ATP11B: variants seen among roughly 807,000 people sequenced by gnomAD.
ATP11B encodes the protein phospholipid-transporting ATPase IF.
ATP11B carries 81 observed loss-of-function variants against 157.8 expected under a neutral mutation model. The observed-to-expected ratio is 0.51, with a 90% CI of 0.43 to 0.62. The LOEUF is 0.62. Among genes scored for constraint, ATP11B ranks in the 20% least tolerant of loss-of-function variants. The pLI, the probability that ATP11B is intolerant of heterozygous loss-of-function variation, is 0.00. For missense variants in ATP11B, 1,165 were observed against 1,402.2 expected, an observed-to-expected ratio of 0.83 and a Z score of 2.70; for synonymous variants, 451 against 469.4, an observed-to-expected ratio of 0.96 and a Z score of 0.51.
intron 4 of ATP11B, among the ~76,000 whole-genome samples, chr3:182,834,650 A>C (rs995028313): frequency 3.9e-5 from 6 of 152,212 alleles, no homozygotes; most frequent in African/African-American, 1.4e-4. Context: ...TGGCATAGGA[A>C]GTCTTTTCCA....
chr3:182,865,364 A>G, intron 12 of ATP11B, 92 bp from the exon 13 acceptor site: 1 of 1,242,258 alleles, frequency 8.0e-7, no homozygotes. Flanking sequence ...GATAAACTGG[A>G]CTTCAGGAGA....
At chr3:182,882,278 A>G (rs1722479033) in intron 21 of ATP11B, among the ~76,000 whole-genome samples, 1 of 152,140 alleles carries the variant, frequency 6.6e-6, no homozygotes, top group Admixed American at 6.5e-5. Flanking sequence ...GTTATTTTCC[A>G]TAAATTTTCA....
intron 28 of ATP11B, among the ~76,000 whole-genome samples, chr3:182,910,883 A>G (rs1447325960): frequency 1.3e-5 from 2 of 152,198 alleles, no homozygotes. Context: ...GTTTATCTTG[A>G]GCCAGTGCTT....
At chr3:182,797,015 C>T (rs920904445) in intron 1 of ATP11B, among the ~76,000 whole-genome samples, 2 of 152,142 alleles carry the variant, frequency 1.3e-5, no homozygotes, top group Non-Finnish European at 2.9e-5. Flanking sequence ...ATCTGAACTC[C>T]CTCAACTTTC....
chr3:182,864,144 ATT>A (rs1302113849), intron 12 of ATP11B, among the ~76,000 whole-genome samples: 2 of 152,008 alleles, frequency 1.3e-5, no homozygotes, highest in Non-Finnish European at 2.9e-5. Flanking sequence ...GAACTTATAT[ATT>A]CTATTTTTTT....
At chr3:182,829,628 C>A in intron 3 of ATP11B, 44 bp from the exon 4 acceptor site, 1 of 1,309,460 alleles carries the variant, frequency 7.6e-7, no homozygotes. Context: ...GTGATGTGCA[C>A]AATATAAAAA....
At chr3:182,842,306 C>G (rs1719112344) in intron 8 of ATP11B, among the ~76,000 whole-genome samples, 184 bp downstream of exon 8, 1 of 152,088 alleles carries the variant, frequency 6.6e-6, no homozygotes, top group Non-Finnish European at 1.5e-5. Flanking sequence ...CAGAATCATT[C>G]AGTGCAAGCT....
chr3:182,903,897 T>C (rs1724146407), intron 28 of ATP11B, among the ~76,000 whole-genome samples: 1 of 152,250 alleles, frequency 6.6e-6, no homozygotes, highest in Non-Finnish European at 1.5e-5. Context: ...TGAAATCATA[T>C]TTTCATATAT....
At chr3:182,800,562 A>G (rs758728955) in intron 1 of ATP11B, among the ~76,000 whole-genome samples, 4 of 152,028 alleles carry the variant, frequency 2.6e-5, no homozygotes, top group Non-Finnish European at 4.4e-5. Context: ...ATATATGGTT[A>G]TAATGCATTC....
chr3:182,901,544 A>G (rs897801544), intron 28 of ATP11B, among the ~76,000 whole-genome samples: 5 of 152,156 alleles, frequency 3.3e-5, no homozygotes, highest in African/African-American at 1.2e-4. Context: ...TCTGCACTCA[A>G]AAAGTTTCAG....
At chr3:182,830,880 C>T (rs1718082435) in intron 4 of ATP11B, among the ~76,000 whole-genome samples, 2 of 152,136 alleles carry the variant, frequency 1.3e-5, no homozygotes, top group Admixed American at 6.5e-5. Context: ...GCATTTAAAT[C>T]ACTCCATATA....
At position 182,896,802 on chromosome 3, in the gene ATP11B, C is replaced by T. The variant is rs1406341450; in HGVS notation, c.3048+37C>T. The stretch of plus-strand genomic sequence containing the variant: ...AAATTAGAAATGTGGACACATTTTG[C>T]AACTGTTTACATAGTTAGTTAACTT... On this transcript the variant is annotated intron_variant, in intron 26 of 29. Transcript: ENST00000323116. 5 of 1,465,774 alleles carry T rather than the reference C, an allele frequency of 3.4e-6. No individual in the cohort carries two copies. In the South Asian group the frequency reaches 3.4e-5, roughly 10 times the overall value. The allele number at this position is 1,465,774 out of a possible 1,614,324, so 90.8% of individuals were successfully genotyped here. A position where few individuals can be genotyped will look rare whatever the true frequency, so the allele number is the denominator to read the frequency against.
intron 19 of ATP11B, among the ~76,000 whole-genome samples, chr3:182,878,195 C>CACA (rs1471049932): frequency 6.6e-6 from 1 of 152,182 alleles, no homozygotes; most frequent in African/African-American, 2.4e-5. Context: ...TACAGTACAA[C>CACA]ACAACAGTGA....
chr3:182,831,246 C>A (rs905340402), intron 4 of ATP11B, among the ~76,000 whole-genome samples: 4 of 152,148 alleles, frequency 2.6e-5, no homozygotes, highest in East Asian at 3.8e-4. Context: ...TACCATCCAA[C>A]CACCGCAAGC....
chr3:182,869,899 A>G (rs1219061726), intron 17 of ATP11B, among the ~76,000 whole-genome samples: 1 of 152,264 alleles, frequency 6.6e-6, no homozygotes, highest in Non-Finnish European at 1.5e-5. Context: ...TGGTATATCC[A>G]TATAATGGAA....
At chr3:182,844,117 G>A (rs1428066846) in intron 8 of ATP11B, 1 of 152,152 alleles carries the variant, frequency 6.6e-6, no homozygotes, top group Non-Finnish European at 1.5e-5. Flanking sequence ...AAAACAACCT[G>A]ACCAAACTGA....
rs997195675 is a variant in ATP11B, at chr3:182,873,827, T to C, written c.2064T>C (p.Val688=). ...TTCTTTTCAGACTACAAGATAAAGT[T>C]CGAGAAACTATTGAAGCATTGAGAA... is the stretch of plus-strand genomic sequence containing the variant. ...TAVEDRLQDK[V]RETIEALRMA... The change falls in exon 19 of 30, where the codon GTT becomes GTC. Residue 688 remains valine (V), a synonymous_variant. Transcript: ENST00000323116. 14 of 1,613,924 alleles carry C rather than the reference T, an allele frequency of 8.7e-6. No homozygotes were observed. The African/African-American group carries it at 1.6e-4, about 18-fold the overall frequency.
chr3:182,851,026 C>T (rs75405827), intron 10 of ATP11B, among the ~76,000 whole-genome samples: 51 of 152,306 alleles, frequency 3.3e-4, no homozygotes, highest in African/African-American at 1.2e-3. Flanking sequence ...TCATTAGTGG[C>T]ACACACCCGT....
intron 20 of ATP11B, among the ~76,000 whole-genome samples, chr3:182,880,177 A>G (rs1308924045): frequency 2.6e-5 from 4 of 152,218 alleles, no homozygotes; most frequent in Admixed American, 2.6e-4. Context: ...AACATTTTTT[A>G]TAATTCTAAA....
Sources: allele counts gnomAD v4.1 joint callset (sites outside exome capture counted in the v4.1 genomes callset), GRCh38; gene constraint gnomAD v4.1.1; transcripts MANE v1.5; gene names NCBI Gene and HGNC (gene_info 2026-07-23, HGNC 2026-07-21).